Variants in ASAP3 observed in about 807,000 individuals in gnomAD.
The protein encoded by ASAP3 is arf-GAP with SH3 domain, ANK repeat and PH domain-containing protein 3.
Under a neutral mutation model 118.2 loss-of-function variants are expected in ASAP3, and 85 were observed. The observed-to-expected ratio is 0.72, with a 90% CI of 0.60 to 0.86. ASAP3 has a LOEUF of 0.86. ASAP3 is among the 40% of genes least tolerant of loss of function. The pLI is 0.00. For missense variants in ASAP3, 1,026 were observed against 1,175.0 expected (o/e 0.87, Z 1.85); for synonymous variants, 432 against 477.4 (o/e 0.90, Z 1.24).
At chr1:23,435,789 GAGA>G in intron 17 of ASAP3, 59 bp downstream of exon 17, 1 of 1,589,772 alleles carries the variant, frequency 6.3e-7, no homozygotes. Flanking sequence ...GCTGGTCCTG[GAGA>G]AGAACTGGGG....
rs147841400 is a variant in ASAP3, at chr1:23,434,831, C to T, written c.1750-213G>A. On this transcript the variant is annotated intron_variant, in intron 17 of 24. Coordinates refer to ENST00000336689, the MANE Select transcript of ASAP3 (RefSeq NM_017707.4). ...CCCATTCACGGCTCTTCCTCCTCTG[C>T]CCCCAACAAGTGTTTCCCAAACTTC... 2.0e-3 allele frequency among the ~76,000 whole-genome samples: 304 copies of T among 152,264 alleles called. 1 individual carries two copies. Among genetic ancestry groups the T allele is most frequent in the Middle Eastern group, 6.8e-3 (2 of 294 alleles).
chr1:23,467,859 A>G (rs972747006), intron 1 of ASAP3, among the ~76,000 whole-genome samples: 2 of 151,262 alleles, frequency 1.3e-5, no homozygotes, highest in African/African-American at 4.9e-5. Context: ...AGGCTGAGGC[A>G]GAGAACTGCT....
intron 3 of ASAP3, among the ~76,000 whole-genome samples, chr1:23,454,143 C>T (rs1439992366): frequency 6.6e-6 from 1 of 151,706 alleles, no homozygotes; most frequent in Non-Finnish European, 1.5e-5. Flanking sequence ...ACTTCAGCAT[C>T]CCGAGTAGCT....
At chr1:23,451,594 T>G in intron 4 of ASAP3, 66 bp from the exon 5 acceptor site, 1 of 1,548,702 alleles carries the variant, frequency 6.5e-7, no homozygotes, top group Non-Finnish European at 8.9e-7. Context: ...CAGTATGCTC[T>G]GCTGCCTGTA....
At chr1:23,446,742 T>G (rs1447505888) in intron 5 of ASAP3, among the ~76,000 whole-genome samples, 1 of 152,034 alleles carries the variant, frequency 6.6e-6, no homozygotes, top group Admixed American at 6.6e-5. Context: ...CCAGCCCAAT[T>G]TGTAAGTTTT....
intron 3 of ASAP3, among the ~76,000 whole-genome samples, chr1:23,453,534 T>C (rs770757092): frequency 2.6e-5 from 4 of 152,162 alleles, no homozygotes; most frequent in Non-Finnish European, 4.4e-5. Flanking sequence ...GAGGAAAGGA[T>C]AGAGCCTAAG....
At position 23,434,574 on chromosome 1, in the gene ASAP3, G is replaced by C. The variant is rs780758516; in HGVS notation, c.1794C>G (p.Asn598Lys). Residue 598 changes from asparagine (N) to lysine (K), a missense_variant, in exon 18 of 25, where the codon AAC (asparagine) becomes AAG (lysine). Asn to Lys is a moderately conservative substitution (Grantham distance 94). Coordinates refer to ENST00000336689, the MANE Select transcript of ASAP3 (RefSeq NM_017707.4). ...LVLHLAVKVA[N>K]QASLPLVDFI... The stretch of plus-strand genomic sequence containing the variant: ...AATCCACCAGAGGCAGGGAAGCCTG[G>C]TTGGCGACTTTGACAGCCAAATGCA... 1.1e-5 allele frequency: 17 copies of C among 1,614,168 alleles called. No individual in the cohort carries two copies. Among genetic ancestry groups the C allele is most frequent in the Non-Finnish European group, 1.4e-5 (17 of 1,180,040 alleles).
At chr1:23,446,356 G>A (rs1641046006) in intron 5 of ASAP3, among the ~76,000 whole-genome samples, 1 of 151,794 alleles carries the variant, frequency 6.6e-6, no homozygotes, top group African/African-American at 2.4e-5. Context: ...TGCTTTCTGT[G>A]GTTTCAGTTA....
chr1:23,473,974 C>CTTTTTTTTTTTTT lies in ASAP3; in HGVS notation c.129+10018_129+10030dup, dbSNP rs10664798. On this transcript the variant is annotated intron_variant, in intron 1 of 24. Transcript: ENST00000336689. ...AGGCGAAAATGGCATTAAATCTGCT[C>CTTTTTTTTTTTTT]TTTTTTTTTTTTTTTTTTTTTTTTG... 2.5e-4 allele frequency among the ~76,000 whole-genome samples: 18 copies of CTTTTTTTTTTTTT among 72,106 alleles called. 1 individual carries two copies. The highest frequency in any genetic ancestry group is 1.1e-3 in the African/African-American group (16 of 14,714). The allele number at this position is 72,106 out of a possible 152,430, so 47.3% of individuals were successfully genotyped here. A position where few individuals can be genotyped will look rare whatever the true frequency, so the allele number is the denominator to read the frequency against.
chr1:23,466,575 A>G (rs1166111263), intron 1 of ASAP3, among the ~76,000 whole-genome samples: 2 of 152,142 alleles, frequency 1.3e-5, no homozygotes, highest in African/African-American at 2.4e-5. Context: ...CTGCAGGCAA[A>G]AGACCACAGA....
At chr1:23,454,766 G>A (rs528033499) in intron 3 of ASAP3, among the ~76,000 whole-genome samples, 11 of 152,310 alleles carry the variant, frequency 7.2e-5, no homozygotes, top group African/African-American at 2.6e-4. Context: ...TTTACTGAGC[G>A]CTTACCATAA....
Position 23,438,243 on chromosome 1 carries a change from T to G in ASAP3, c.1102+504A>C, listed in dbSNP as rs1373266955. ...CTCCCTAATCTTCTATGGGGCTATA[T>G]CTGCACCCATCTTCTGGACAGCCCC... On this transcript the variant is annotated intron_variant, in intron 12 of 24. Transcript: ENST00000336689. This position sits in a 1 kb window ranked among gnomAD's most constrained non-coding sequence, Gnocchi z 4.9. 6.6e-6 allele frequency among the ~76,000 whole-genome samples: 1 copy of G among 152,112 alleles called. No individual in the cohort carries two copies. Among genetic ancestry groups the G allele is most frequent in the Non-Finnish European group, 1.5e-5 (1 of 68,032 alleles).
chr1:23,484,169 CG>C lies in ASAP3; in HGVS notation c.-37del, dbSNP rs770152013. Reference sequence around the variant, plus strand: ...AGCGTGGAGCTGCCGGAGCGGGGCGCGGGGGGCACTGAGCTGCTCCGCGCTG... The same window carrying C: ...AGCGTGGAGCTGCCGGAGCGGGGCGCGGGGGCACTGAGCTGCTCCGCGCTG... On this transcript the variant is annotated 5_prime_UTR_variant, in exon 1 of 25. Transcript: ENST00000336689. 1.6e-5 allele frequency: 20 copies of C among 1,245,674 alleles called. No homozygotes were observed. The East Asian group carries it at 2.6e-4, about 16-fold the overall frequency. The allele number at this position is 1,245,674 out of a possible 1,614,324, so 77.2% of individuals were successfully genotyped here.
At chr1:23,446,465 G>A (rs908668019) in intron 5 of ASAP3, among the ~76,000 whole-genome samples, 15 of 137,104 alleles carry the variant, frequency 1.1e-4, no homozygotes, top group African/African-American at 4.0e-4. Flanking sequence ...TTGAGATGGA[G>A]TTTTGCTTGT....
In ASAP3 at chr1:23,437,998, T is replaced by C. The variant is rs1400993077; in HGVS notation, c.1103-526A>G. Among the ~76,000 whole-genome samples the C allele has an allele frequency of 3.3e-5, 5 of 152,244 alleles. No individual in the cohort carries two copies. The East Asian group carries it at 9.7e-4, about 29-fold the overall frequency. ...TAAGGTCCAAACTTTTAAGAGGGATTTCCAGGCCTCATCTCTCACTCTGCT... is the reference window on the plus strand; with the variant it reads ...TAAGGTCCAAACTTTTAAGAGGGATCTCCAGGCCTCATCTCTCACTCTGCT... On this transcript the variant is annotated intron_variant, in intron 12 of 24. Transcript: ENST00000336689. The surrounding 1 kb of genome is among the most constrained non-coding windows in gnomAD (Gnocchi z 6.1).
At chr1:23,458,911 C>T (rs1641477951) in intron 1 of ASAP3, among the ~76,000 whole-genome samples, 1 of 152,106 alleles carries the variant, frequency 6.6e-6, no homozygotes, top group Non-Finnish European at 1.5e-5. Flanking sequence ...TGGCTCACGC[C>T]TGTAATCCTA....
chr1:23,458,603 A>C (rs1254170290), intron 1 of ASAP3, among the ~76,000 whole-genome samples: 4 of 152,192 alleles, frequency 2.6e-5, no homozygotes, highest in Admixed American at 1.3e-4. Context: ...TGTCTCAAAA[A>C]GCAAAGCAAA....
intron 1 of ASAP3, among the ~76,000 whole-genome samples, chr1:23,470,950 G>A (rs1641943675): frequency 1.3e-5 from 2 of 152,092 alleles, no homozygotes; most frequent in Admixed American, 6.5e-5. Flanking sequence ...TGGACTAACC[G>A]CGGAAGGTTC....
chr1:23,433,672 G>A lies in ASAP3; in HGVS notation c.1973C>T (p.Ala658Val). The A allele has an allele frequency of 6.2e-7, 1 of 1,614,236 alleles. No homozygotes were observed. Among genetic ancestry groups the A allele is most frequent in the Non-Finnish European group, 8.5e-7 (1 of 1,180,052 alleles). The change falls in exon 20 of 25, where the codon GCT becomes GTT. Residue 658 changes from alanine (A) to valine (V), a missense_variant. Coordinates refer to ENST00000336689, the MANE Select transcript of ASAP3 (RefSeq NM_017707.4). ...VGTVNEAGET[A>V]LDIARKKHHK... ...GTGCTTCTTCCTGGCTATGTCCAGA[G>A]CTGTCTCGCCTGCTTCATTTACTGT... is the stretch of plus-strand genomic sequence containing the variant.
Sources: allele counts gnomAD v4.1 joint callset (sites outside exome capture counted in the v4.1 genomes callset), GRCh38; gene constraint gnomAD v4.1.1; non-coding constraint Gnocchi (gnomAD v3.1); transcripts MANE v1.5; gene names NCBI Gene and HGNC (gene_info 2026-07-23, HGNC 2026-07-21).